Variants in SCRN3 observed in about 807,000 individuals in gnomAD.
The protein encoded by SCRN3 is secernin-3.
In SCRN3, 39 loss-of-function variants were observed where a neutral mutation model predicts 43.1. The observed-to-expected ratio is 0.91, with a 90% CI of 0.70 to 1.18. The LOEUF (loss-of-function observed/expected upper bound fraction) is 1.18, where lower values mean the gene tolerates loss of function less well. Among genes scored for constraint, SCRN3 ranks in the 50% most tolerant of loss-of-function variants. The pLI, the probability that SCRN3 is intolerant of heterozygous loss-of-function variation, is 0.00. For missense variants in SCRN3, 484 were observed against 498.0 expected (o/e 0.97, Z 0.27); for synonymous variants, 147 against 163.1 (o/e 0.90, Z 0.75).
Position 174,400,681 on chromosome 2 carries a change from A to G in SCRN3, c.342-309A>G, listed in dbSNP as rs563486088. 6.6e-5 allele frequency among the ~76,000 whole-genome samples: 10 copies of G among 152,288 alleles called. No homozygotes were observed. The East Asian group carries it at 1.9e-3, about 29-fold the overall frequency. On this transcript the variant is annotated intron_variant, in intron 3 of 7. Coordinates refer to ENST00000272732, the MANE Select transcript of SCRN3 (RefSeq NM_024583.5). ...CCTAACATACTTTAATCACACCTTA[A>G]CTAATTCTCACAATAACCTCATGGG...
At chr2:174,404,369 G>A in intron 5 of SCRN3, 54 bp downstream of exon 5, 2 of 1,214,032 alleles carry the variant, frequency 1.6e-6, no homozygotes, top group Non-Finnish European at 1.2e-6. Context: ...TTGTGTAGAT[G>A]TAATATGGGA....
chr2:174,397,556 G>A (rs1039138029), intron 1 of SCRN3, among the ~76,000 whole-genome samples: 3 of 152,174 alleles, frequency 2.0e-5, no homozygotes. Flanking sequence ...GAATTATAAT[G>A]TGTATTATTT....
Position 174,416,415 on chromosome 2 carries a change from T to A in SCRN3, c.755-6470T>A, listed in dbSNP as rs551719352. Among the ~76,000 whole-genome samples, 3 of 152,342 alleles carry A rather than the reference T, an allele frequency of 2.0e-5. No homozygotes were observed. The Middle Eastern group carries it at 0.01, about 518-fold the overall frequency. ...CCAGTGAACAGTTGGAAATGCCATT[T>A]GTAGAGATAGGATAGATGGAAGATT... is the stretch of plus-strand genomic sequence containing the variant. On this transcript the variant is annotated intron_variant, in intron 5 of 7. Transcript: ENST00000272732.
chr2:174,410,048 C>A (rs12993294), intron 5 of SCRN3: 14 of 158,646 alleles, frequency 8.8e-5, no homozygotes, highest in Non-Finnish European at 1.8e-4. Context: ...GCGGGTGCCC[C>A]TCCCCCAGCC....
chr2:174,415,746 G>A (rs991453299), intron 5 of SCRN3, among the ~76,000 whole-genome samples: 1 of 152,174 alleles, frequency 6.6e-6, no homozygotes, highest in African/African-American at 2.4e-5. Context: ...CTGGGTTCAA[G>A]CTATTCTCGT....
At chr2:174,404,459 T>C (rs1038712328) in intron 5 of SCRN3, 144 bp downstream of exon 5, 6 of 422,836 alleles carry the variant, frequency 1.4e-5, no homozygotes, top group East Asian at 4.7e-5. Flanking sequence ...TATAAACCTA[T>C]TTTTTTTTTA....
chr2:174,398,287 G>T lies in SCRN3; in HGVS notation c.4G>T (p.Glu2Ter). 2 of 1,557,904 alleles carry T rather than the reference G, an allele frequency of 1.3e-6. No homozygotes were observed. The highest frequency in any genetic ancestry group is 1.2e-5 in the South Asian group (1 of 80,804). M[E>*]PFSCDTFVAL... ...GTATAATTTTTAGTTAAAAAAAATG[G>T]AACCTTTTTCCTGTGACACTTTCGT... is the stretch of plus-strand genomic sequence containing the variant. The change falls in exon 2 of 8, where the codon GAA becomes TAA. Residue 2 changes from glutamate to a stop codon, truncating the protein, a stop_gained. Transcript: ENST00000272732. LOFTEE classifies it high-confidence loss of function.
intron 4 of SCRN3, 126 bp from the exon 5 acceptor site, chr2:174,403,977 C>A: frequency 3.2e-6 from 2 of 631,910 alleles, no homozygotes; most frequent in Non-Finnish European, 5.4e-6. Flanking sequence ...AATAGATGCC[C>A]ATGGCACAAA....
intron 1 of SCRN3, chr2:174,397,276 G>T (rs1685356186): frequency 1.0e-6 from 1 of 984,592 alleles, no homozygotes. Flanking sequence ...CCATTTTAAG[G>T]TTTTGCCATT....
chr2:174,404,135 A>G lies in SCRN3; in HGVS notation c.574A>G (p.Ile192Val), dbSNP rs1023907399. Residue 192 changes from isoleucine (I) to valine (V), a missense_variant, in exon 5 of 8, where the codon ATA becomes GTA. Ile to Val is a conservative substitution (Grantham distance 29). Transcript: ENST00000272732. ...TCGTAATATTTCTAATCAACTTTCC[A>G]TAACAACCAAGATTGCCCGGGAACA... ...GVRNISNQLS[I>V]TTKIAREHPD... The G allele has an allele frequency of 2.5e-6, 4 of 1,613,638 alleles. No homozygotes were observed. The Admixed American group carries it at 5.0e-5, about 20-fold the overall frequency.
At chr2:174,400,453 ATT>A (rs1223141995) in intron 3 of SCRN3, among the ~76,000 whole-genome samples, 1 of 151,946 alleles carries the variant, frequency 6.6e-6, no homozygotes, top group Non-Finnish European at 1.5e-5. Flanking sequence ...CACCTGGCTA[ATT>A]TTTAATTAAA....
intron 7 of SCRN3, among the ~76,000 whole-genome samples, chr2:174,426,991 C>G (rs1403215627): frequency 6.6e-6 from 1 of 151,890 alleles, no homozygotes; most frequent in Non-Finnish European, 1.5e-5. Flanking sequence ...CGCCACCACG[C>G]CCAGCTAATT....
intron 5 of SCRN3, among the ~76,000 whole-genome samples, chr2:174,415,124 G>A (rs1686060017): frequency 6.6e-6 from 1 of 152,092 alleles, no homozygotes; most frequent in Non-Finnish European, 1.5e-5. Context: ...TAGAATGTCA[G>A]GTCAAAGCTT....
At chr2:174,415,012 A>T (rs1686056291) in intron 5 of SCRN3, among the ~76,000 whole-genome samples, 1 of 151,978 alleles carries the variant, frequency 6.6e-6, no homozygotes, top group African/African-American at 2.4e-5. Context: ...TGAGCCGCCC[A>T]CCTTGGCCTC....
intron 4 of SCRN3, 40 bp downstream of exon 4, chr2:174,401,229 T>G: frequency 6.8e-7 from 1 of 1,476,226 alleles, no homozygotes; most frequent in South Asian, 1.1e-5. Context: ...TTTTTGCAAT[T>G]AATAAAATAC....
intron 6 of SCRN3, among the ~76,000 whole-genome samples, chr2:174,423,967 TTTGTGGAG>T (rs1352846241): frequency 2.0e-5 from 3 of 151,820 alleles, no homozygotes; most frequent in Non-Finnish European, 2.9e-5. Context: ...TTTTAATTTT[TTTGTGGAG>T]ATGGGGTTCT....
At chr2:174,425,387 C>T (rs1305233142) in intron 7 of SCRN3, among the ~76,000 whole-genome samples, 1 of 152,154 alleles carries the variant, frequency 6.6e-6, no homozygotes, top group South Asian at 2.1e-4. Flanking sequence ...TGTTGACCCC[C>T]TGCAATGAAA....
At chr2:174,399,898 A>ATT in intron 2 of SCRN3, 24 bp from the exon 3 acceptor site, 1 of 909,070 alleles carries the variant, frequency 1.1e-6, no homozygotes, top group South Asian at 3.2e-5. Context: ...TCTTGCTATG[A>ATT]CTTTTTTTTT....
At chr2:174,397,401 A>G in intron 1 of SCRN3, 2 of 915,454 alleles carry the variant, frequency 2.2e-6, no homozygotes, top group Non-Finnish European at 2.6e-6. Flanking sequence ...TTACAACTGA[A>G]GAGGTAATCT....
Sources: allele counts gnomAD v4.1 joint callset (sites outside exome capture counted in the v4.1 genomes callset), GRCh38; gene constraint gnomAD v4.1.1; transcripts MANE v1.5; gene names NCBI Gene and HGNC (gene_info 2026-07-23, HGNC 2026-07-21).